Variants in ADAM12 observed in about 807,000 individuals in gnomAD.
ADAM12 encodes ADAM metallopeptidase domain 12.
Under a neutral mutation model 106.4 loss-of-function variants are expected in ADAM12, and 70 were observed. That is an observed-to-expected ratio of 0.66 (90% CI 0.54 to 0.80). ADAM12 has a LOEUF of 0.80. ADAM12 is among the 30% of genes least tolerant of loss of function. The pLI is 0.00. For missense variants in ADAM12, 1,010 were observed against 1,171.9 expected (o/e 0.86, Z 2.02); for synonymous variants, 420 against 433.5 (o/e 0.97, Z 0.39).
chr10:126,213,263 G>A (rs1026582811), intron 3 of ADAM12, among the ~76,000 whole-genome samples: 1 of 152,138 alleles, frequency 6.6e-6, no homozygotes, highest in Non-Finnish European at 1.5e-5. Flanking sequence ...AATGCTATAG[G>A]TTTTCGTTTT....
chr10:126,306,489 C>T (rs540191792), intron 2 of ADAM12, among the ~76,000 whole-genome samples: 1 of 152,090 alleles, frequency 6.6e-6, no homozygotes, highest in Non-Finnish European at 1.5e-5. Context: ...TTCTATAGTT[C>T]TATGCTTCTA....
chr10:126,316,934 G>A (rs944416255), intron 2 of ADAM12, among the ~76,000 whole-genome samples: 1 of 151,972 alleles, frequency 6.6e-6, no homozygotes, highest in Non-Finnish European at 1.5e-5. Context: ...TTTAGTGTTT[G>A]AGAAAAAAAA....
At chr10:126,231,135 A>G (rs1958301450) in intron 3 of ADAM12, among the ~76,000 whole-genome samples, 1 of 152,184 alleles carries the variant, frequency 6.6e-6, no homozygotes, top group Non-Finnish European at 1.5e-5. Context: ...CTGTAAATCT[A>G]TATATTCTTG....
At chr10:126,235,087 A>G (rs554277141) in intron 3 of ADAM12, among the ~76,000 whole-genome samples, 2 of 152,300 alleles carry the variant, frequency 1.3e-5, no homozygotes, top group East Asian at 3.9e-4. Context: ...GGTCGTCTCC[A>G]CGTGGCACAC....
chr10:126,072,137 C>T (rs1429540825), intron 11 of ADAM12, among the ~76,000 whole-genome samples: 1 of 152,150 alleles, frequency 6.6e-6, no homozygotes, highest in African/African-American at 2.4e-5. Context: ...GCAGGGCCTG[C>T]TGATGCTGGC....
intron 1 of ADAM12, among the ~76,000 whole-genome samples, chr10:126,339,804 G>A (rs1413216979): frequency 1.3e-5 from 2 of 150,096 alleles, no homozygotes; most frequent in Admixed American, 1.3e-4. Flanking sequence ...TCAAGGCAGG[G>A]AAATTAAATT....
At chr10:126,331,561 T>C (rs1854512934) in intron 1 of ADAM12, among the ~76,000 whole-genome samples, 1 of 152,228 alleles carries the variant, frequency 6.6e-6, no homozygotes, top group African/African-American at 2.4e-5. Context: ...ACTACTCCCG[T>C]AGTCACTGTC....
At position 126,388,223 on chromosome 10, in the gene ADAM12, G is replaced by A; in HGVS notation, c.-78C>T. The A allele has an allele frequency of 8.4e-7, 1 of 1,190,970 alleles. No homozygotes were observed. Among genetic ancestry groups the A allele is most frequent in the Non-Finnish European group, 1.0e-6 (1 of 961,464 alleles). The allele number at this position is 1,190,970 out of a possible 1,614,324, so 73.8% of individuals were successfully genotyped here. A position where few individuals can be genotyped will look rare whatever the true frequency, so the allele number is the denominator to read the frequency against. ...CATCCCACGCGGGCGCCGAGCCGGGGCCGGGCGTCGCGACCGGAGGGATTT... is the reference window on the plus strand; with the variant it reads ...CATCCCACGCGGGCGCCGAGCCGGGACCGGGCGTCGCGACCGGAGGGATTT... On this transcript the variant is annotated 5_prime_UTR_variant, in exon 1 of 23. Transcript: ENST00000448723. This position sits in a 1 kb window ranked among gnomAD's most constrained non-coding sequence, Gnocchi z 4.4.
At chr10:126,300,773 G>A (rs532759893) in intron 2 of ADAM12, among the ~76,000 whole-genome samples, 4 of 152,126 alleles carry the variant, frequency 2.6e-5, no homozygotes, top group South Asian at 4.2e-4. Context: ...AAACCCTGAC[G>A]TAAAAGGCTA....
chr10:126,019,751 A>T lies in ADAM12; in HGVS notation c.2604T>A (p.His868Gln), dbSNP rs1321817280. ...ATTGTCCTGGGGTCCTGGCCAAGGC[A>T]TGAGTGAGCCGAGTTGTTCTGGCCA... ...DPLARTTRLTHALARTPGQWE... is the reference protein window; with the variant it reads ...DPLARTTRLTQALARTPGQWE... The change falls in exon 22 of 23, where the codon CAT becomes CAA. Residue 868 changes from histidine (H) to glutamine (Q), a missense_variant. Coordinates refer to ENST00000448723, the MANE Select transcript of ADAM12 (RefSeq NM_001288973.2). 2 of 1,614,174 alleles carry T rather than the reference A, an allele frequency of 1.2e-6. No individual in the cohort carries two copies. Among genetic ancestry groups the T allele is most frequent in the South Asian group, 1.1e-5 (1 of 91,076 alleles).
intron 3 of ADAM12, among the ~76,000 whole-genome samples, chr10:126,265,565 C>T (rs1416916827): frequency 6.6e-6 from 1 of 152,176 alleles, no homozygotes; most frequent in African/African-American, 2.4e-5. Flanking sequence ...ACGAGGACCA[C>T]CTGCAATGTC....
chr10:126,187,233 G>T (rs1211947026), intron 3 of ADAM12, among the ~76,000 whole-genome samples: 3 of 151,944 alleles, frequency 2.0e-5, no homozygotes, highest in Admixed American at 6.6e-5. Flanking sequence ...GGCATCCTCT[G>T]AGGACTTGTC....
At chr10:126,170,445 G>A (rs867217330) in intron 3 of ADAM12, among the ~76,000 whole-genome samples, 60 of 119,112 alleles carry the variant, frequency 5.0e-4, no homozygotes, top group Non-Finnish European at 6.8e-4. Context: ...AAAAGAGGGC[G>A]GGGGGGGAGT....
At chr10:126,380,720 T>C (rs188917990) in intron 1 of ADAM12, among the ~76,000 whole-genome samples, 19 of 152,330 alleles carry the variant, frequency 1.2e-4, no homozygotes, top group Middle Eastern at 3.4e-3. Flanking sequence ...AAACATTGTC[T>C]AGATTATACC....
At chr10:126,123,661 A>C (rs945534714) in intron 5 of ADAM12, among the ~76,000 whole-genome samples, 18 of 152,178 alleles carry the variant, frequency 1.2e-4, no homozygotes, top group African/African-American at 4.3e-4. Context: ...CCCACTGTCC[A>C]AGGTGCGCAG....
At position 126,289,384 on chromosome 10, in the gene ADAM12, C is replaced by T. The variant is rs1196244621; in HGVS notation, c.187-10396G>A. On this transcript the variant is annotated intron_variant, in intron 2 of 22. Coordinates refer to ENST00000448723, the MANE Select transcript of ADAM12 (RefSeq NM_001288973.2). ...AGTCTTTCCTGTCAGCCACGTACCA[C>T]CTGGGCTCATAAGGACCACTGGTAG... is the stretch of plus-strand genomic sequence containing the variant. Among the ~76,000 whole-genome samples the T allele has an allele frequency of 5.3e-5, 8 of 152,364 alleles. No individual in the cohort carries two copies. In the East Asian group the frequency reaches 1.2e-3, roughly 22 times the overall value.
At chr10:126,153,391 A>G (rs1279700119) in intron 4 of ADAM12, among the ~76,000 whole-genome samples, 1 of 152,180 alleles carries the variant, frequency 6.6e-6, no homozygotes, top group East Asian at 1.9e-4. Context: ...TAGTTTAGTT[A>G]TTCCAAGTTA....
Position 126,019,682 on chromosome 10 carries a change from A to G in ADAM12, c.2660+13T>C. 2 of 1,611,626 alleles carry G rather than the reference A, an allele frequency of 1.2e-6. No individual in the cohort carries two copies. The highest frequency in any genetic ancestry group is 4.5e-5 in the East Asian group (2 of 44,810). ...TGAGAGAGAAAGAGATGGGCATGGCATGTCACACAAACCTGAGGGGTGCCA... is the reference window on the plus strand; with the variant it reads ...TGAGAGAGAAAGAGATGGGCATGGCGTGTCACACAAACCTGAGGGGTGCCA... On this transcript the variant is annotated intron_variant, in intron 22 of 22. Transcript: ENST00000448723.
At chr10:126,070,861 GT>G (rs1472784825) in intron 12 of ADAM12, among the ~76,000 whole-genome samples, 1 of 152,164 alleles carries the variant, frequency 6.6e-6, no homozygotes, top group East Asian at 1.9e-4. Flanking sequence ...AATTTTTATA[GT>G]GATTATCTTG....
Sources: allele counts gnomAD v4.1 joint callset (sites outside exome capture counted in the v4.1 genomes callset), GRCh38; gene constraint gnomAD v4.1.1; non-coding constraint Gnocchi (gnomAD v3.1); transcripts MANE v1.5; gene names NCBI Gene and HGNC (gene_info 2026-07-23, HGNC 2026-07-21).